TCF12: variants seen among roughly 807,000 people sequenced by gnomAD.
The protein encoded by TCF12 is DNA-binding protein HTF4.
TCF12 carries 45 observed loss-of-function variants against 86.0 expected under a neutral mutation model. The observed-to-expected ratio is 0.52, with a 90% CI of 0.41 to 0.67. TCF12 has a LOEUF of 0.67. Among genes scored for constraint, TCF12 ranks in the 30% least tolerant of loss-of-function variants. The pLI is 0.00. For missense variants in TCF12, 881 were observed against 859.9 expected, an observed-to-expected ratio of 1.02 and a Z score of -0.31; for synonymous variants, 330 against 299.6, an observed-to-expected ratio of 1.10 and a Z score of -1.05.
intron 3 of TCF12, among the ~76,000 whole-genome samples, chr15:57,011,198 G>T (rs1226396728): frequency 1.3e-5 from 2 of 152,208 alleles, no homozygotes; most frequent in African/African-American, 2.4e-5. Flanking sequence ...GTGATTCCCA[G>T]TGTTGGAGGT....
chr15:56,943,617 A>G (rs944815352), intron 3 of TCF12, among the ~76,000 whole-genome samples: 11 of 152,222 alleles, frequency 7.2e-5, no homozygotes, highest in African/African-American at 2.4e-4. Flanking sequence ...AAAGCTAGTA[A>G]GTAGCAGAAT....
chr15:56,965,945 A>C (rs2061982238), intron 3 of TCF12, among the ~76,000 whole-genome samples: 2 of 152,196 alleles, frequency 1.3e-5, no homozygotes, highest in African/African-American at 4.8e-5. Flanking sequence ...AAATCTTTAG[A>C]AAATGTATTG....
intron 18 of TCF12, among the ~76,000 whole-genome samples, chr15:57,264,277 T>C (rs981332374): frequency 5.3e-5 from 7 of 132,266 alleles, no homozygotes; most frequent in African/African-American, 1.9e-4. Context: ...CTCGGCTCAC[T>C]GCAACCTCCG....
chr15:57,209,713 A>G (rs2058023350), intron 8 of TCF12, among the ~76,000 whole-genome samples: 1 of 152,166 alleles, frequency 6.6e-6, no homozygotes, highest in Non-Finnish European at 1.5e-5. Flanking sequence ...AGGTCAGATC[A>G]TATACTCCTC....
chr15:57,077,253 T>G (rs1035351625), intron 4 of TCF12, among the ~76,000 whole-genome samples: 1 of 151,920 alleles, frequency 6.6e-6, no homozygotes, highest in African/African-American at 2.4e-5. Context: ...AACTTAACAG[T>G]GTGGAGGCTT....
At chr15:57,170,666 T>G (rs1488219268) in intron 6 of TCF12, among the ~76,000 whole-genome samples, 1 of 25,832 alleles carries the variant, frequency 3.9e-5, no homozygotes, top group East Asian at 1.1e-3. Context: ...ATAAAATATA[T>G]ATATATATAA....
intron 3 of TCF12, among the ~76,000 whole-genome samples, chr15:56,928,517 A>G (rs2060112691): frequency 6.6e-6 from 1 of 152,214 alleles, no homozygotes; most frequent in Admixed American, 6.5e-5. Context: ...AAGAGCAACA[A>G]GTCAGAGTTG....
In TCF12 at chr15:57,249,746, A is replaced by C. The variant is rs770894588; in HGVS notation, c.1115-1604A>C. ...CAATAAAAGGTTCTAGTGTGAGACA[A>C]ATTAAACCTTCAACTTCCAACTTCG... On this transcript the variant is annotated intron_variant, in intron 13 of 20. Transcript: ENST00000333725. Among the ~76,000 whole-genome samples the C allele has an allele frequency of 1.4e-4, 22 of 152,180 alleles. 1 individual carries two copies. Among genetic ancestry groups the C allele is most frequent in the Middle Eastern group, 6.3e-3 (2 of 316 alleles).
At chr15:57,081,404 G>T (rs1454783201) in intron 4 of TCF12, among the ~76,000 whole-genome samples, 1 of 152,120 alleles carries the variant, frequency 6.6e-6, no homozygotes, top group Non-Finnish European at 1.5e-5. Flanking sequence ...TGTGCCTCTT[G>T]CCTCATCTGT....
intron 4 of TCF12, among the ~76,000 whole-genome samples, chr15:57,066,661 A>G (rs2068901621): frequency 6.6e-6 from 1 of 152,216 alleles, no homozygotes; most frequent in African/African-American, 2.4e-5. Context: ...TGTTGGAGAT[A>G]CAATATACCT....
intron 5 of TCF12, chr15:57,134,612 G>A (rs2052384362): frequency 6.6e-6 from 1 of 152,000 alleles, no homozygotes; most frequent in Admixed American, 6.6e-5. Flanking sequence ...TTAGATTTTA[G>A]CAATTATGAG....
intron 3 of TCF12, among the ~76,000 whole-genome samples, chr15:56,964,524 T>C (rs77272518): frequency 0.011 from 1,694 of 152,306 alleles, 21 homozygotes; most frequent in African/African-American, 0.038. Context: ...TGGCATGTCT[T>C]TTCATTTTTC....
At chr15:57,161,576 A>T (rs2054507363) in intron 5 of TCF12, among the ~76,000 whole-genome samples, 2 of 152,172 alleles carry the variant, frequency 1.3e-5, no homozygotes, top group South Asian at 4.1e-4. Flanking sequence ...TTTTCCAATA[A>T]TATGTTGCTA....
chr15:56,949,885 G>T (rs1375979909), intron 3 of TCF12, among the ~76,000 whole-genome samples: 1 of 152,182 alleles, frequency 6.6e-6, no homozygotes, highest in African/African-American at 2.4e-5. Flanking sequence ...TAGTGTGCTA[G>T]ACAAAGGCAT....
At chr15:57,243,094 A>C (rs1398422781) in intron 12 of TCF12, among the ~76,000 whole-genome samples, 2 of 152,206 alleles carry the variant, frequency 1.3e-5, no homozygotes, top group Non-Finnish European at 1.5e-5. Flanking sequence ...AGATAGTATT[A>C]ATAGCTTTCT....
rs2061987371 is a variant in TCF12 at position 57,287,984 on chromosome 15, T to C, written c.*1839T>C. On this transcript the variant is annotated 3_prime_UTR_variant, in exon 21 of 21. Coordinates refer to ENST00000333725, the MANE Select transcript of TCF12 (RefSeq NM_207037.2). The stretch of plus-strand genomic sequence containing the variant: ...TTGTCTTTTTCGCTATATTAGACTT[T>C]GCAGTATGCCCAGAAGCTTTCCTTC... 1 of 152,650 alleles carries C rather than the reference T, an allele frequency of 6.6e-6. No individual in the cohort carries two copies. Among genetic ancestry groups the C allele is most frequent in the Admixed American group, 6.5e-5 (1 of 15,288 alleles). The allele number at this position is 152,650 out of a possible 1,614,324, so 9.5% of individuals were successfully genotyped here. A position where few individuals can be genotyped will look rare whatever the true frequency, so the allele number is the denominator to read the frequency against.
intron 4 of TCF12, among the ~76,000 whole-genome samples, chr15:57,087,059 CTG>C (rs1372532370): frequency 8.1e-5 from 12 of 147,772 alleles, no homozygotes; most frequent in African/African-American, 2.5e-4. Context: ...CTGTCTCCCT[CTG>C]TCTCCCTCTC....
intron 3 of TCF12, among the ~76,000 whole-genome samples, chr15:56,984,252 GTGT>G (rs2063059116): frequency 1.3e-5 from 1 of 79,540 alleles, no homozygotes; most frequent in Non-Finnish European, 2.5e-5. Flanking sequence ...TGTGCATGGT[GTGT>G]GTGTGTGTGT....
chr15:57,007,684 A>T (rs936565588), intron 3 of TCF12, among the ~76,000 whole-genome samples: 2 of 152,188 alleles, frequency 1.3e-5, no homozygotes, highest in African/African-American at 4.8e-5. Context: ...TAATATGATA[A>T]GTCTGAGATG....
Sources: allele counts gnomAD v4.1 joint callset (sites outside exome capture counted in the v4.1 genomes callset), GRCh38; gene constraint gnomAD v4.1.1; transcripts MANE v1.5; gene names NCBI Gene and HGNC (gene_info 2026-07-23, HGNC 2026-07-21).